RAB28: variants seen among roughly 807,000 people sequenced by gnomAD.
RAB28 encodes the protein RAB28, member RAS oncogene family.
In RAB28, 24 loss-of-function variants were observed where a neutral mutation model predicts 31.7. The observed-to-expected ratio is 0.76, with a 90% CI of 0.55 to 1.06. RAB28 has a LOEUF of 1.06. Among genes scored for constraint, RAB28 ranks in the 50% least tolerant of loss-of-function variants. The pLI is 0.00. For missense variants in RAB28, 254 were observed against 258.5 expected (o/e 0.98, Z 0.12); for synonymous variants, 100 against 90.4 (o/e 1.11, Z -0.60).
chr4:13,385,359 T>A (rs571309913), intron 4 of RAB28, among the ~76,000 whole-genome samples: 1 of 152,032 alleles, frequency 6.6e-6, no homozygotes, highest in Non-Finnish European at 1.5e-5. Context: ...AGAACCCCAG[T>A]AAGATACTTC....
chr4:13,445,992 C>T (rs1055586825), intron 4 of RAB28, among the ~76,000 whole-genome samples: 5 of 152,140 alleles, frequency 3.3e-5, no homozygotes, highest in Non-Finnish European at 7.4e-5. Context: ...CCCCCAGGTG[C>T]TCTATCCAAG....
intron 4 of RAB28, among the ~76,000 whole-genome samples, chr4:13,439,903 T>C (rs952184155): frequency 1.3e-5 from 2 of 152,190 alleles, no homozygotes; most frequent in African/African-American, 2.4e-5. Context: ...CTAGCTGTTA[T>C]CTCCATCCAT....
intron 4 of RAB28, among the ~76,000 whole-genome samples, chr4:13,436,251 C>G (rs534932731): frequency 2.6e-5 from 4 of 152,060 alleles, no homozygotes; most frequent in African/African-American, 9.7e-5. Context: ...GCCAACATCA[C>G]ACTAAACAGG....
At chr4:13,481,460 T>C (rs531662363) in intron 1 of RAB28, among the ~76,000 whole-genome samples, 1 of 152,140 alleles carries the variant, frequency 6.6e-6, no homozygotes, top group Non-Finnish European at 1.5e-5. Context: ...CCTTCTTAAT[T>C]ACAGGTATTA....
chr4:13,424,931 C>A (rs1369664845), intron 4 of RAB28, among the ~76,000 whole-genome samples: 1 of 152,140 alleles, frequency 6.6e-6, no homozygotes, highest in Non-Finnish European at 1.5e-5. Flanking sequence ...AAACTCTTGA[C>A]CCCCACCTCC....
intron 5 of RAB28, among the ~76,000 whole-genome samples, chr4:13,379,191 G>A (rs1205411495): frequency 8.8e-6 from 1 of 114,158 alleles, no homozygotes; most frequent in Non-Finnish European, 1.7e-5. Flanking sequence ...GGAGGACACA[G>A]TGAAACTCTG....
chr4:13,430,180 T>C (rs570336980), intron 4 of RAB28, among the ~76,000 whole-genome samples: 34 of 152,094 alleles, frequency 2.2e-4, no homozygotes, highest in Non-Finnish European at 3.8e-4. Context: ...AAAATTTTTT[T>C]TTTACTCAAA....
At chr4:13,370,747 C>G in intron 6 of RAB28, 2 of 984,900 alleles carry the variant, frequency 2.0e-6, no homozygotes, top group South Asian at 4.7e-5. Context: ...CAGAAACAAA[C>G]AAGTTCAAAA....
intron 4 of RAB28, among the ~76,000 whole-genome samples, chr4:13,384,133 G>C (rs1241594880): frequency 6.6e-6 from 1 of 152,164 alleles, no homozygotes; most frequent in Non-Finnish European, 1.5e-5. Flanking sequence ...AGTGAAACTA[G>C]GAAGGGAGAA....
chr4:13,392,986 T>C (rs1310974509), intron 4 of RAB28, among the ~76,000 whole-genome samples: 2 of 152,218 alleles, frequency 1.3e-5, no homozygotes, highest in East Asian at 1.9e-4. Flanking sequence ...ACATATTGTA[T>C]GTGCCTGGCA....
At chr4:13,421,409 A>C (rs1301248653) in intron 4 of RAB28, among the ~76,000 whole-genome samples, 1 of 152,214 alleles carries the variant, frequency 6.6e-6, no homozygotes, top group East Asian at 1.9e-4. Flanking sequence ...AAACTACTTT[A>C]AAGTTCATAT....
chr4:13,400,601 T>C (rs1711694458), intron 4 of RAB28, among the ~76,000 whole-genome samples: 1 of 152,144 alleles, frequency 6.6e-6, no homozygotes, highest in South Asian at 2.1e-4. Flanking sequence ...TAGTGTTGAA[T>C]AGGAGAGGTG....
At chr4:13,421,825 C>G (rs145734961) in intron 4 of RAB28, among the ~76,000 whole-genome samples, 8,527 of 152,180 alleles carry the variant, frequency 0.056, 548 homozygotes, top group African/African-American at 0.16. Flanking sequence ...CAATACCATT[C>G]AGGACACAGG....
chr4:13,415,861 T>G (rs1712745832), intron 4 of RAB28, among the ~76,000 whole-genome samples: 1 of 152,206 alleles, frequency 6.6e-6, no homozygotes, highest in Non-Finnish European at 1.5e-5. Context: ...TGGTGGGGAC[T>G]TGGAGAACCT....
chr4:13,406,031 T>G (rs1374551358), intron 4 of RAB28, among the ~76,000 whole-genome samples: 1 of 152,296 alleles, frequency 6.6e-6, no homozygotes, highest in Non-Finnish European at 1.5e-5. Flanking sequence ...TTTTAAGTTT[T>G]GGGACACATG....
At chr4:13,420,494 C>A (rs934333420) in intron 4 of RAB28, among the ~76,000 whole-genome samples, 1 of 152,006 alleles carries the variant, frequency 6.6e-6, no homozygotes, top group Non-Finnish European at 1.5e-5. Flanking sequence ...TGAACATCCA[C>A]GTGAAAATCC....
rs772834492 is a variant in RAB28 at position 13,381,560 on chromosome 4, T to C, written c.426A>G (p.Glu142=). 1 of 1,613,466 alleles carries C rather than the reference T, an allele frequency of 6.2e-7. No homozygotes were observed. Among genetic ancestry groups the C allele is most frequent in the Non-Finnish European group, 8.5e-7 (1 of 1,179,572 alleles). Residue 142 remains glutamate, a synonymous_variant, in exon 5 of 7, where the codon GAA becomes GAG. Transcript: ENST00000330852. ...DLEHMRTIKP[E]KHLRFCQENG... is the part of the protein sequence containing the mutation. ...TTTCCTGGCAAAACCGTAAGTGTTT[T>C]TCAGGTTTTATTGTTCGCATATGCT... is the stretch of plus-strand genomic sequence containing the variant.
intron 4 of RAB28, among the ~76,000 whole-genome samples, chr4:13,447,513 A>G (rs1714759340): frequency 1.3e-5 from 2 of 152,198 alleles, no homozygotes; most frequent in African/African-American, 4.8e-5. Flanking sequence ...GAATTGATTT[A>G]CTTACACTGC....
intron 4 of RAB28, among the ~76,000 whole-genome samples, chr4:13,448,391 G>A (rs1247727169): frequency 6.6e-6 from 1 of 151,824 alleles, no homozygotes; most frequent in East Asian, 1.9e-4. Context: ...CAAAAAGATG[G>A]AGAGATATCA....
Sources: gnomAD v4.1 joint callset for allele counts (sites outside exome capture counted in the v4.1 genomes callset) on GRCh38, gnomAD v4.1.1 for gene constraint, MANE v1.5 for transcripts, NCBI Gene and HGNC (gene_info 2026-07-23, HGNC 2026-07-21) for gene names.